Variants in RBFOX1 observed in about 807,000 individuals in gnomAD.
RBFOX1 encodes the protein RNA binding fox-1 homolog 1.
In RBFOX1, 8 loss-of-function variants were observed where a neutral mutation model predicts 57.7. The ratio of observed to expected loss-of-function variants is 0.14; its 90% CI spans 0.08 to 0.25. RBFOX1 has a LOEUF of 0.25. Ranked by LOEUF, RBFOX1 falls within the 10% of genes least tolerant of loss-of-function variation. The pLI, the probability that RBFOX1 is intolerant of heterozygous loss-of-function variation, is 1.00. For missense variants in RBFOX1, 611 were observed against 548.5 expected (o/e 1.11, Z -1.14); for synonymous variants, 326 against 222.4 (o/e 1.47, Z -4.15).
intron 1 of RBFOX1, among the ~76,000 whole-genome samples, chr16:6,208,210 A>G (rs1317981229): frequency 6.6e-6 from 1 of 152,168 alleles, no homozygotes; most frequent in Non-Finnish European, 1.5e-5. Flanking sequence ...ATAAGTTTAA[A>G]AAAATACTGA....
At chr16:5,445,554 A>G (rs956302181) in intron 1 of RBFOX1, among the ~76,000 whole-genome samples, 9 of 152,206 alleles carry the variant, frequency 5.9e-5, no homozygotes, top group African/African-American at 2.2e-4. Flanking sequence ...TTGGACACCC[A>G]TTTCCTTAAC....
intron 2 of RBFOX1, among the ~76,000 whole-genome samples, chr16:5,590,442 A>G (rs6500701): frequency 0.27 from 40,367 of 152,066 alleles, 7,008 homozygotes; most frequent in African/African-American, 0.49. Flanking sequence ...CCTTGCTGAA[A>G]GTTAACTGGC....
chr16:7,256,839 T>A (rs2094706064), intron 4 of RBFOX1, among the ~76,000 whole-genome samples: 2 of 152,150 alleles, frequency 1.3e-5, no homozygotes, highest in Non-Finnish European at 2.9e-5. Flanking sequence ...ATCTTTGCCT[T>A]TGTGGATACC....
rs570869568 is a variant in RBFOX1, at chr16:6,176,972, C to T, written c.-126-140023C>T. ...TGGTTCAACCTGTCTTGGTTGTTGGCGTTGAATAAATGGATGGTAACCATT... is the reference window on the plus strand; with the variant it reads ...TGGTTCAACCTGTCTTGGTTGTTGGTGTTGAATAAATGGATGGTAACCATT... On this transcript the variant is annotated intron_variant, in intron 1 of 15. Coordinates refer to ENST00000550418, the MANE Select transcript of RBFOX1 (RefSeq NM_018723.4). 3.0e-4 allele frequency among the ~76,000 whole-genome samples: 45 copies of T among 152,210 alleles called. No individual in the cohort carries two copies. The South Asian group carries it at 4.1e-3, about 14-fold the overall frequency.
chr16:6,898,358 G>C (rs1384606637), intron 3 of RBFOX1, among the ~76,000 whole-genome samples: 1 of 152,164 alleles, frequency 6.6e-6, no homozygotes, highest in South Asian at 2.1e-4. Context: ...GCAGTCAGAG[G>C]TGAAGGCTAA....
intron 4 of RBFOX1, among the ~76,000 whole-genome samples, chr16:7,356,411 G>A (rs1351196141): frequency 6.6e-6 from 1 of 152,190 alleles, no homozygotes; most frequent in East Asian, 1.9e-4. Context: ...GAAAAGAACT[G>A]AAAGCAAGAA....
intron 1 of RBFOX1, among the ~76,000 whole-genome samples, chr16:6,203,123 C>G (rs1391791957): frequency 1.3e-5 from 2 of 151,960 alleles, no homozygotes; most frequent in Non-Finnish European, 2.9e-5. Context: ...AAAAAAAATC[C>G]AGCCTCATAG....
intron 3 of RBFOX1, among the ~76,000 whole-genome samples, chr16:6,887,274 A>G (rs1048160109): frequency 6.6e-6 from 1 of 152,162 alleles, no homozygotes; most frequent in Non-Finnish European, 1.5e-5. Context: ...GTTATCTGCG[A>G]AGATGTTTCA....
chr16:6,740,145 C>T (rs543737495), intron 3 of RBFOX1, among the ~76,000 whole-genome samples: 27 of 152,146 alleles, frequency 1.8e-4, no homozygotes, highest in Non-Finnish European at 2.4e-4. Flanking sequence ...TTCACTATAC[C>T]GATAGGTTCA....
At chr16:6,442,417 C>T (rs1344686536) in intron 2 of RBFOX1, among the ~76,000 whole-genome samples, 1 of 151,996 alleles carries the variant, frequency 6.6e-6, no homozygotes, top group Admixed American at 6.6e-5. Context: ...ATTAGCTGGG[C>T]ATGGTGGCAC....
intron 2 of RBFOX1, among the ~76,000 whole-genome samples, chr16:6,412,435 T>C (rs2093488947): frequency 6.6e-6 from 1 of 152,194 alleles, no homozygotes; most frequent in East Asian, 1.9e-4. Context: ...TGCCTGTTTG[T>C]TCAATTCACA....
chr16:6,922,691 C>G (rs1269810678), intron 3 of RBFOX1, among the ~76,000 whole-genome samples: 1 of 152,114 alleles, frequency 6.6e-6, no homozygotes, highest in Non-Finnish European at 1.5e-5. Flanking sequence ...TGTTTTGGGC[C>G]TCACTGCATC....
chr16:5,750,718 GC>G (rs2053166765), intron 3 of RBFOX1, among the ~76,000 whole-genome samples: 1 of 152,184 alleles, frequency 6.6e-6, no homozygotes. Flanking sequence ...TTGGAAAAGT[GC>G]AGTATTAGGG....
intron 4 of RBFOX1, among the ~76,000 whole-genome samples, chr16:5,941,051 G>A (rs2059268083): frequency 6.6e-6 from 1 of 152,140 alleles, no homozygotes; most frequent in African/African-American, 2.4e-5. Context: ...AATTAAATGA[G>A]ATGATGCATG....
intron 4 of RBFOX1, among the ~76,000 whole-genome samples, chr16:7,158,680 A>G (rs1425729997): frequency 1.4e-5 from 2 of 140,622 alleles, no homozygotes; most frequent in Non-Finnish European, 3.1e-5. Context: ...GTATGTGTGT[A>G]TGGTGTGTCT....
At chr16:5,346,049 C>A (rs1228249258) in intron 1 of RBFOX1, among the ~76,000 whole-genome samples, 1 of 152,186 alleles carries the variant, frequency 6.6e-6, no homozygotes, top group Non-Finnish European at 1.5e-5. Context: ...AGACTTGGAA[C>A]CTGAAAGGCT....
rs1232228589 is a variant in RBFOX1 at position 6,785,764 on chromosome 16, C to T, written c.-16+131114C>T. On this transcript the variant is annotated intron_variant, in intron 3 of 15. Coordinates refer to ENST00000550418, the MANE Select transcript of RBFOX1 (RefSeq NM_018723.4). ...TTCCACTATTGTTATCATCATTTTC[C>T]AGATGAGGATACCAAACAAATGCAG... Among the ~76,000 whole-genome samples the T allele has an allele frequency of 2.0e-5, 3 of 152,040 alleles. No individual in the cohort carries two copies. In the East Asian group the frequency reaches 5.8e-4, roughly 29 times the overall value.
At chr16:6,401,124 G>A (rs1044316779) in intron 2 of RBFOX1, among the ~76,000 whole-genome samples, 1 of 152,078 alleles carries the variant, frequency 6.6e-6, no homozygotes, top group Non-Finnish European at 1.5e-5. Context: ...ACTGGGGCAA[G>A]GAAAGAACAA....
chr16:7,163,511 G>A (rs868263811), intron 4 of RBFOX1, among the ~76,000 whole-genome samples: 10 of 151,828 alleles, frequency 6.6e-5, no homozygotes, highest in African/African-American at 2.2e-4. Flanking sequence ...TTCTGTTCCC[G>A]TTAGCACTCC....
Sources: allele counts gnomAD v4.1 joint callset (sites outside exome capture counted in the v4.1 genomes callset), GRCh38; gene constraint gnomAD v4.1.1; transcripts MANE v1.5; gene names NCBI Gene and HGNC (gene_info 2026-07-23, HGNC 2026-07-21).